The following SORCS3 variants were observed in gnomAD, a reference collection of about 807,000 sequenced individuals.
SORCS3 encodes the protein sortilin related VPS10 domain containing receptor 3, also known as VPS10 domain-containing receptor SorCS3.
Under a neutral mutation model 146.3 loss-of-function variants are expected in SORCS3, and 57 were observed. The ratio of observed to expected loss-of-function variants is 0.39; its 90% CI spans 0.31 to 0.49. The LOEUF (loss-of-function observed/expected upper bound fraction) is 0.49, where lower values mean the gene tolerates loss of function less well. Among genes scored for constraint, SORCS3 ranks in the 20% least tolerant of loss-of-function variants. The pLI is 0.92. For missense variants in SORCS3, 1,341 were observed against 1,575.5 expected, an observed-to-expected ratio of 0.85 and a Z score of 2.52; for synonymous variants, 653 against 618.5, an observed-to-expected ratio of 1.06 and a Z score of -0.83.
intron 3 of SORCS3, among the ~76,000 whole-genome samples, chr10:104,974,453 C>G (rs1449048538): frequency 6.6e-6 from 1 of 152,256 alleles, no homozygotes; most frequent in East Asian, 1.9e-4. Context: ...TATGTAATGG[C>G]CTTCTTTGTA....
At chr10:104,826,085 G>T (rs954499370) in intron 1 of SORCS3, among the ~76,000 whole-genome samples, 3 of 152,126 alleles carry the variant, frequency 2.0e-5, no homozygotes, top group Admixed American at 6.5e-5. Context: ...CCTGTGTTTG[G>T]GTGCTGACTC....
At chr10:104,842,892 C>T in intron 2 of SORCS3, 33 bp downstream of exon 2, 1 of 1,567,024 alleles carries the variant, frequency 6.4e-7, no homozygotes, top group Middle Eastern at 1.7e-4. Flanking sequence ...AGGAGCCACC[C>T]TGGCTTGGCT....
chr10:104,980,199 C>T (rs971901397), intron 4 of SORCS3, among the ~76,000 whole-genome samples: 2 of 152,160 alleles, frequency 1.3e-5, no homozygotes, highest in Non-Finnish European at 2.9e-5. Flanking sequence ...TCACACTGCA[C>T]ATTTCTAGAT....
intron 1 of SORCS3, among the ~76,000 whole-genome samples, chr10:104,753,015 T>C (rs529784476): frequency 6.6e-6 from 1 of 152,200 alleles, no homozygotes; most frequent in Non-Finnish European, 1.5e-5. Flanking sequence ...TCATGGAAAC[T>C]GGGACTTTGG....
intron 1 of SORCS3, among the ~76,000 whole-genome samples, chr10:104,684,695 A>G (rs911195209): frequency 5.3e-5 from 8 of 151,196 alleles, no homozygotes; most frequent in African/African-American, 1.9e-4. Flanking sequence ...TGATAATATC[A>G]ATTTTATGAT....
intron 4 of SORCS3, among the ~76,000 whole-genome samples, chr10:104,977,807 C>T (rs2054909745): frequency 6.8e-6 from 1 of 147,380 alleles, no homozygotes; most frequent in Admixed American, 6.9e-5. Context: ...TCTTGGCTCA[C>T]TGTAACCTCT....
chr10:105,239,768 T>C (rs2119711267), intron 20 of SORCS3, among the ~76,000 whole-genome samples: 1 of 152,330 alleles, frequency 6.6e-6, no homozygotes, highest in South Asian at 2.1e-4. Context: ...ATGTGTCTGC[T>C]TGCCTAATAT....
At chr10:105,150,977 A>C (rs958975490) in intron 9 of SORCS3, among the ~76,000 whole-genome samples, 1 of 152,210 alleles carries the variant, frequency 6.6e-6, no homozygotes, top group South Asian at 2.1e-4. Context: ...AAGTTTTCAC[A>C]TTCAATTCAG....
intron 1 of SORCS3, among the ~76,000 whole-genome samples, chr10:104,682,988 C>T (rs1210547220): frequency 6.6e-6 from 1 of 152,162 alleles, no homozygotes; most frequent in Non-Finnish European, 1.5e-5. Flanking sequence ...ATTGTGGGGG[C>T]CATTGGCTTT....
chr10:105,258,602 A>C (rs2056943919), intron 25 of SORCS3, among the ~76,000 whole-genome samples: 1 of 152,150 alleles, frequency 6.6e-6, no homozygotes, highest in East Asian at 1.9e-4. Flanking sequence ...ATACTTAAGG[A>C]TCACTTATAC....
intron 1 of SORCS3, among the ~76,000 whole-genome samples, chr10:104,722,865 C>A (rs1242661658): frequency 3.3e-5 from 5 of 152,030 alleles, no homozygotes; most frequent in Non-Finnish European, 7.4e-5. Flanking sequence ...TGATTCTTCT[C>A]TCTTTTCTTC....
chr10:104,848,793 A>G (rs984619917), intron 2 of SORCS3, among the ~76,000 whole-genome samples: 1 of 152,212 alleles, frequency 6.6e-6, no homozygotes, highest in Non-Finnish European at 1.5e-5. Context: ...CCCTGCGCTC[A>G]TTGCTGGGAG....
intron 1 of SORCS3, among the ~76,000 whole-genome samples, chr10:104,718,838 A>G (rs1242036945): frequency 2.0e-5 from 3 of 152,170 alleles, no homozygotes; most frequent in Admixed American, 6.5e-5. Context: ...GGAAATGACT[A>G]TTTGTCTACA....
intron 2 of SORCS3, among the ~76,000 whole-genome samples, chr10:104,873,793 G>A (rs1006564401): frequency 2.6e-5 from 4 of 152,176 alleles, no homozygotes; most frequent in African/African-American, 9.7e-5. Context: ...CTAACAGATT[G>A]TCATAAAGGA....
intron 1 of SORCS3, among the ~76,000 whole-genome samples, chr10:104,761,489 T>G (rs946230294): frequency 2.6e-5 from 4 of 152,132 alleles, no homozygotes; most frequent in Non-Finnish European, 5.9e-5. Context: ...ATCTTTGACC[T>G]TTCATGGGAG....
chr10:105,255,746 G>T lies in SORCS3; in HGVS notation c.3282G>T (p.Gln1094His). The T allele has an allele frequency of 6.2e-7, 1 of 1,613,984 alleles. No homozygotes were observed. Among genetic ancestry groups the T allele is most frequent in the Non-Finnish European group, 8.5e-7 (1 of 1,179,964 alleles). The change falls in exon 24 of 27, where the codon CAG (glutamine) becomes CAT (histidine). Residue 1094 changes from glutamine (Q) to histidine (H), a missense_variant. By Grantham distance (24) the Gln-to-His change is conservative (BLOSUM62 0). Coordinates refer to ENST00000369701, the MANE Select transcript of SORCS3 (RefSeq NM_014978.3). Reference sequence around the variant, plus strand: ...ATGCTCTCAACCAAAATTTGGTCCAGTTTGAGCTGAAGCCGGGGGTACAAG... The same window carrying T: ...ATGCTCTCAACCAAAATTTGGTCCATTTTGAGCTGAAGCCGGGGGTACAAG... ...LFNALNQNLV[Q>H]FELKPGVQVI...
At chr10:105,151,081 T>C (rs758860301) in intron 9 of SORCS3, among the ~76,000 whole-genome samples, 1 of 152,228 alleles carries the variant, frequency 6.6e-6, no homozygotes, top group Non-Finnish European at 1.5e-5. Flanking sequence ...CAAGTGACTC[T>C]ATTAGGGTAA....
At chr10:105,195,066 G>A (rs1030740150) in intron 14 of SORCS3, among the ~76,000 whole-genome samples, 3 of 152,098 alleles carry the variant, frequency 2.0e-5, no homozygotes, top group Non-Finnish European at 2.9e-5. Context: ...AGTATTGCCC[G>A]ATTTGAGAAT....
chr10:105,029,602 T>C (rs1193243507), intron 4 of SORCS3, among the ~76,000 whole-genome samples: 1 of 152,192 alleles, frequency 6.6e-6, no homozygotes, highest in African/African-American at 2.4e-5. Context: ...CCAATCTCCT[T>C]TGTCAAAGCC....
Sources: allele counts gnomAD v4.1 joint callset (sites outside exome capture counted in the v4.1 genomes callset), GRCh38; gene constraint gnomAD v4.1.1; transcripts MANE v1.5; gene names NCBI Gene and HGNC (gene_info 2026-07-23, HGNC 2026-07-21).